The following TMEM114 variants were observed in gnomAD, a reference collection of about 807,000 sequenced individuals.
The protein encoded by TMEM114 is claudin-26.
TMEM114 carries 6 observed loss-of-function variants against 6.2 expected under a neutral mutation model. That is an observed-to-expected ratio of 0.97 (90% CI 0.53 to 1.91). The LOEUF (loss-of-function observed/expected upper bound fraction) is 1.91. Ranked by LOEUF, TMEM114 falls within the 40% of genes most tolerant of loss-of-function variation. The pLI is 0.01. For missense variants in TMEM114, 218 were observed against 158.3 expected (o/e 1.38, Z -2.02); for synonymous variants, 104 against 73.0 (o/e 1.42, Z -2.16).
chr16:8,581,723 G>A (rs957888200), intron 2 of TMEM114, among the ~76,000 whole-genome samples: 2 of 152,246 alleles, frequency 1.3e-5, no homozygotes, highest in African/African-American at 4.8e-5. Flanking sequence ...CAAATTGCTG[G>A]GATTACAGGT....
chr16:8,528,812 G>T, the TMEM114 span, among the ~76,000 whole-genome samples: 7 of 152,168 alleles, frequency 4.6e-5, no homozygotes, highest in Non-Finnish European at 4.4e-5. Context: ...CACTGAGCAC[G>T]CGCTCTGTGT....
chr16:8,544,440 T>A (rs1900600441), intron 2 of TMEM114, among the ~76,000 whole-genome samples: 1 of 152,118 alleles, frequency 6.6e-6, no homozygotes, highest in South Asian at 2.1e-4. Context: ...TTGAGCAGGG[T>A]CTTAATGGAT....
chr16:8,541,760 T>C (rs1051687743), intron 2 of TMEM114, among the ~76,000 whole-genome samples: 6 of 152,186 alleles, frequency 3.9e-5, no homozygotes, highest in Non-Finnish European at 8.8e-5. Flanking sequence ...CATAAGCCAC[T>C]ATATTCCTTG....
At chr16:8,572,633 G>A (rs1042002819) in intron 2 of TMEM114, among the ~76,000 whole-genome samples, 3 of 152,116 alleles carry the variant, frequency 2.0e-5, no homozygotes, top group African/African-American at 7.2e-5. Flanking sequence ...ATGAAGTCTT[G>A]ATATGTTGCC....
At chr16:8,528,828 T>C in the TMEM114 span, among the ~76,000 whole-genome samples, 1 of 152,206 alleles carries the variant, frequency 6.6e-6, no homozygotes, top group Non-Finnish European at 1.5e-5. Flanking sequence ...TGTGTGTGCT[T>C]CTGAAGACAC....
intron 3 of TMEM114, 46 bp from the exon 4 acceptor site, chr16:8,570,051 C>T: frequency 1.3e-6 from 2 of 1,514,548 alleles, no homozygotes; most frequent in Non-Finnish European, 1.8e-6. Flanking sequence ...CCACCCCGCC[C>T]CAGCACTCCC....
chr16:8,546,148 A>T (rs1483166527), intron 2 of TMEM114, among the ~76,000 whole-genome samples: 1 of 152,218 alleles, frequency 6.6e-6, no homozygotes, highest in Non-Finnish European at 1.5e-5. Flanking sequence ...TGAATAAAAC[A>T]ATTATATTAA....
chr16:8,533,457 C>T (rs528894675), downstream of TMEM114, among the ~76,000 whole-genome samples: 9 of 152,220 alleles, frequency 5.9e-5, no homozygotes, highest in Admixed American at 3.9e-4. Flanking sequence ...GATGAATGGG[C>T]GAGGTGGTTA....
rs576905700 is a variant in TMEM114, at chr16:8,545,196, G to C, written n.213-7370C>G. Among the ~76,000 whole-genome samples the C allele has an allele frequency of 4.1e-4, 63 of 152,198 alleles. No homozygotes were observed. In the Middle Eastern group the frequency reaches 0.014, roughly 33 times the overall value. ...CTCACACCTGTAATCCCAACACTTT[G>C]GGAGGCCAAGGTGGGAAGATTACTT... On this transcript the variant is annotated intron_variant and non_coding_transcript_variant, in intron 2 of 2. Coordinates refer to the TMEM114 transcript ENST00000623677.
intron 2 of TMEM114, among the ~76,000 whole-genome samples, chr16:8,574,662 C>G (rs193045920): frequency 6.6e-6 from 1 of 151,504 alleles, no homozygotes; most frequent in East Asian, 1.9e-4. Context: ...AAAACCTAGT[C>G]CTTTAAAATC....
At chr16:8,566,441 G>C (rs140821666), downstream of TMEM114, among the ~76,000 whole-genome samples, 1 of 146,496 alleles carries the variant, frequency 6.8e-6, no homozygotes, top group East Asian at 2.0e-4. Context: ...GAATAGAAGA[G>C]AACAGATCAG....
Position 8,569,541 on chromosome 16 carries a change from G to T in TMEM114, c.*232C>A. The T allele has an allele frequency of 7.1e-7, 1 of 1,400,432 alleles. No homozygotes were observed. The highest frequency in any genetic ancestry group is 9.3e-7 in the Non-Finnish European group (1 of 1,079,762). 86.8% of individuals were successfully genotyped at this position (1,400,432 alleles called of 1,614,324 possible). The stretch of plus-strand genomic sequence containing the variant: ...TTTTTATTTCTCGCGAAGCGGTTTG[G>T]CACTCCCTCGGGCTCCTCCAGGCCA... On this transcript the variant is annotated 3_prime_UTR_variant, in exon 4 of 4. Transcript: ENST00000620492.
At chr16:8,534,027 T>A (rs149239981), downstream of TMEM114, among the ~76,000 whole-genome samples, 35 of 152,264 alleles carry the variant, frequency 2.3e-4, no homozygotes, top group African/African-American at 8.4e-4. Context: ...GCTCTCGTTT[T>A]GAGATTTGCT....
intron 2 of TMEM114, among the ~76,000 whole-genome samples, chr16:8,558,785 G>C (rs1310276605): frequency 6.6e-6 from 1 of 151,770 alleles, no homozygotes. Context: ...CTGTCACCCA[G>C]GCTGGAGTGC....
chr16:8,561,490 CA>C (rs1268346213), intron 2 of TMEM114, among the ~76,000 whole-genome samples: 3 of 152,202 alleles, frequency 2.0e-5, no homozygotes, highest in Non-Finnish European at 2.9e-5. Context: ...ATGTCAGCTT[CA>C]AAAGGCAGGT....
chr16:8,573,677 A>G (rs1901813583), intron 2 of TMEM114, among the ~76,000 whole-genome samples: 1 of 152,194 alleles, frequency 6.6e-6, no homozygotes, highest in Non-Finnish European at 1.5e-5. Flanking sequence ...GATAGGTATG[A>G]AAATAAATAC....
chr16:8,538,858 G>A (rs920084182), intron 2 of TMEM114, among the ~76,000 whole-genome samples: 3 of 152,110 alleles, frequency 2.0e-5, no homozygotes, highest in Admixed American at 1.3e-4. Flanking sequence ...GTGTGTGGAT[G>A]TATGTATTTA....
chr16:8,571,616 C>G lies in TMEM114; in HGVS notation c.439+471G>C, dbSNP rs1419895293. Among the ~76,000 whole-genome samples the G allele has an allele frequency of 1.6e-5, 2 of 122,546 alleles. 1 individual carries two copies. Among genetic ancestry groups the G allele is most frequent in the African/African-American group, 6.1e-5 (2 of 32,680 alleles). The allele number at this position is 122,546 out of a possible 152,430, so 80.4% of individuals were successfully genotyped here. A position where few individuals can be genotyped will look rare whatever the true frequency, so the allele number is the denominator to read the frequency against. On this transcript the variant is annotated intron_variant, in intron 3 of 3. Transcript: ENST00000620492. ...GCCCCCACCCCCAGCCTGTTCCATT[C>G]TCTCTTTCTGTGAATTTGACTCTTC...
intron 2 of TMEM114, among the ~76,000 whole-genome samples, chr16:8,587,442 T>C (rs1902351088): frequency 1.3e-5 from 2 of 152,124 alleles, no homozygotes; most frequent in Admixed American, 1.3e-4. Flanking sequence ...CACAAAAAAG[T>C]CATACAATTT....
Sources: allele counts gnomAD v4.1 joint callset (sites outside exome capture counted in the v4.1 genomes callset), GRCh38; gene constraint gnomAD v4.1.1; transcripts MANE v1.5; gene names NCBI Gene and HGNC (gene_info 2026-07-23, HGNC 2026-07-21).